PTPRT: variants seen among roughly 807,000 people sequenced by gnomAD.
PTPRT encodes protein tyrosine phosphatase receptor type T, also known as receptor-type tyrosine-protein phosphatase T.
A neutral mutation model predicts 176.8 loss-of-function variants in PTPRT; 56 were observed. The ratio of observed to expected loss-of-function variants is 0.32; its 90% confidence interval spans 0.26 to 0.40. The LOEUF (loss-of-function observed/expected upper bound fraction) is 0.40, where lower values mean the gene tolerates loss of function less well. Among genes scored for constraint, PTPRT ranks in the 10% least tolerant of loss-of-function variants. The pLI is 1.00. For synonymous variants in PTPRT, 783 were observed against 739.0 expected (o/e 1.06, Z -0.96); for missense variants, 1,540 against 1,908.2 (o/e 0.81, Z 3.60).
chr20:42,620,526 G>A (rs188325316), intron 7 of PTPRT, among the ~76,000 whole-genome samples: 22,045 of 149,096 alleles, frequency 0.15, 2,254 homozygotes, highest in Middle Eastern at 0.24. Context: ...AATGGCGGGC[G>A]CCCCTCCCCC....
chr20:42,902,498 G>A (rs1283303577), intron 1 of PTPRT, among the ~76,000 whole-genome samples: 2 of 152,266 alleles, frequency 1.3e-5, no homozygotes, highest in Admixed American at 6.5e-5. Context: ...AGAAGACACC[G>A]GTAATCCCCA....
chr20:43,178,287 G>A (rs190088813), intron 1 of PTPRT, among the ~76,000 whole-genome samples: 2 of 152,288 alleles, frequency 1.3e-5, no homozygotes, highest in East Asian at 3.9e-4. Context: ...GAGACACAGG[G>A]AGGAAGCTGG....
chr20:43,149,640 T>C (rs2014280008), intron 1 of PTPRT, among the ~76,000 whole-genome samples: 1 of 152,214 alleles, frequency 6.6e-6, no homozygotes, highest in Non-Finnish European at 1.5e-5. Flanking sequence ...ACCTCACTCA[T>C]TGTACAGTTG....
intron 7 of PTPRT, 125 bp from the exon 8 acceptor site, chr20:42,472,687 C>A (rs764184164): frequency 8.1e-6 from 8 of 989,802 alleles, no homozygotes; most frequent in Non-Finnish European, 1.2e-5. Context: ...TCACTGCCAT[C>A]ATGATTTTTG....
chr20:42,487,411 A>C (rs1187340261), intron 7 of PTPRT, among the ~76,000 whole-genome samples: 1 of 152,198 alleles, frequency 6.6e-6, no homozygotes, highest in African/African-American at 2.4e-5. Flanking sequence ...TACAGTAGGC[A>C]AAAATATCAG....
chr20:42,332,353 G>A (rs1341719368), intron 11 of PTPRT, among the ~76,000 whole-genome samples: 2 of 151,956 alleles, frequency 1.3e-5, no homozygotes, highest in Non-Finnish European at 2.9e-5. Flanking sequence ...GAGACTACAG[G>A]TGCCCACCAC....
At chr20:42,910,695 A>T (rs2079533065) in intron 1 of PTPRT, among the ~76,000 whole-genome samples, 1 of 152,178 alleles carries the variant, frequency 6.6e-6, no homozygotes, top group African/African-American at 2.4e-5. Flanking sequence ...TAAGAGACAA[A>T]CACACAAAAT....
At chr20:42,162,399 G>A (rs1248390535) in intron 16 of PTPRT, among the ~76,000 whole-genome samples, 2 of 152,178 alleles carry the variant, frequency 1.3e-5, no homozygotes, top group Non-Finnish European at 2.9e-5. Flanking sequence ...CCTTCTGTCA[G>A]TTTGGTCACC....
intron 9 of PTPRT, among the ~76,000 whole-genome samples, chr20:42,422,384 G>A (rs893838494): frequency 2.6e-5 from 4 of 152,128 alleles, no homozygotes; most frequent in African/African-American, 9.7e-5. Flanking sequence ...ACAAAAGTGG[G>A]CAAAAAATAT....
intron 6 of PTPRT, among the ~76,000 whole-genome samples, chr20:42,731,083 C>A (rs927045758): frequency 1.3e-5 from 2 of 152,100 alleles, no homozygotes; most frequent in African/African-American, 4.8e-5. Flanking sequence ...TGAGAGAAGA[C>A]CTACAGAATG....
At chr20:42,270,071 T>G (rs187205378) in intron 13 of PTPRT, among the ~76,000 whole-genome samples, 3,586 of 152,194 alleles carry the variant, frequency 0.024, 150 homozygotes, top group African/African-American at 0.082. Context: ...AGTGGCTGTT[T>G]CTTCTCCTGG....
chr20:42,289,112 A>G (rs1261247139), intron 12 of PTPRT, among the ~76,000 whole-genome samples: 2 of 152,144 alleles, frequency 1.3e-5, no homozygotes, highest in Non-Finnish European at 2.9e-5. Context: ...CTCTCACCAT[A>G]TAAAAATTAA....
intron 1 of PTPRT, among the ~76,000 whole-genome samples, chr20:43,023,060 T>C (rs902542854): frequency 6.6e-6 from 1 of 152,218 alleles, no homozygotes; most frequent in African/African-American, 2.4e-5. Context: ...GGAGAAAAGA[T>C]ATATACATTG....
chr20:42,420,707 C>T (rs1351283398), intron 9 of PTPRT, among the ~76,000 whole-genome samples: 1 of 152,090 alleles, frequency 6.6e-6, no homozygotes, highest in Non-Finnish European at 1.5e-5. Context: ...TTCGTCTGTC[C>T]CCAGAGTGTG....
At chr20:42,245,968 C>T (rs1217142434) in intron 14 of PTPRT, among the ~76,000 whole-genome samples, 1 of 152,188 alleles carries the variant, frequency 6.6e-6, no homozygotes, top group African/African-American at 2.4e-5. Context: ...TGAGTCCAAG[C>T]ACTGTAGGTG....
At chr20:42,409,309 T>C (rs1432013955) in intron 9 of PTPRT, among the ~76,000 whole-genome samples, 2 of 151,710 alleles carry the variant, frequency 1.3e-5, no homozygotes, top group African/African-American at 2.4e-5. Context: ...AGTGAAACCC[T>C]GTCTCTACTA....
intron 7 of PTPRT, among the ~76,000 whole-genome samples, chr20:42,621,719 A>C (rs564422668): frequency 7.2e-5 from 11 of 152,216 alleles, no homozygotes; most frequent in African/African-American, 2.6e-4. Flanking sequence ...TTCTGATCTC[A>C]TCTAGTACTA....
intron 9 of PTPRT, among the ~76,000 whole-genome samples, chr20:42,433,336 A>G (rs2145808379): frequency 6.6e-6 from 1 of 152,302 alleles, no homozygotes; most frequent in Admixed American, 6.5e-5. Flanking sequence ...ATAAAGACAG[A>G]TTCTGTAGGA....
the PTPRT span, among the ~76,000 whole-genome samples, chr20:42,038,244 G>A: frequency 1.3e-5 from 2 of 152,116 alleles, no homozygotes; most frequent in African/African-American, 2.4e-5. Flanking sequence ...TAAGGAGATC[G>A]GCTCAGAGAG....
Sources: gnomAD v4.1 joint callset for allele counts (sites outside exome capture counted in the v4.1 genomes callset) on GRCh38, gnomAD v4.1.1 for gene constraint, MANE v1.5 for transcripts, NCBI Gene and HGNC (gene_info 2026-07-23, HGNC 2026-07-21) for gene names.